The following FAM107B variants were observed in gnomAD, a reference collection of about 807,000 sequenced individuals.
FAM107B encodes protein FAM107B.
Under a neutral mutation model 31.5 loss-of-function variants are expected in FAM107B, and 21 were observed. That is an observed-to-expected ratio of 0.67 (90% confidence interval 0.47 to 0.96). The LOEUF (loss-of-function observed/expected upper bound fraction) is 0.96. Ranked by LOEUF, FAM107B falls within the 40% of genes least tolerant of loss-of-function variation. The pLI, the probability that FAM107B is intolerant of heterozygous loss-of-function variation, is 0.00. For synonymous variants in FAM107B, 157 were observed against 141.5 expected (o/e 1.11, Z -0.78); for missense variants, 452 against 377.1 (o/e 1.20, Z -1.64).
rs530833123 is a variant in FAM107B, at chr10:14,738,903, C to G, written c.411+35350G>C. 1.3e-4 allele frequency among the ~76,000 whole-genome samples: 20 copies of G among 152,336 alleles called. No individual in the cohort carries two copies. The South Asian group carries it at 2.3e-3, about 17-fold the overall frequency. ...GGCAATGAATTTATTTTGCTCACAA[C>G]TTTGTGGGTCAGGAATTTGGAAAGG... is the stretch of plus-strand genomic sequence containing the variant. On this transcript the variant is annotated intron_variant, in intron 1 of 4. Transcript: ENST00000181796.
At chr10:14,664,811 A>G (rs1403937189) in intron 2 of FAM107B, among the ~76,000 whole-genome samples, 1 of 152,238 alleles carries the variant, frequency 6.6e-6, no homozygotes, top group East Asian at 1.9e-4. Flanking sequence ...TGAATATAGT[A>G]TATGTTCATA....
intron 2 of FAM107B, among the ~76,000 whole-genome samples, chr10:14,577,379 G>T (rs957101117): frequency 1.3e-5 from 2 of 152,300 alleles, no homozygotes; most frequent in South Asian, 4.1e-4. Context: ...GCTTACCAAG[G>T]TGTTTCTCTG....
chr10:14,614,230 T>C (rs1205437660), intron 2 of FAM107B, among the ~76,000 whole-genome samples: 2 of 152,182 alleles, frequency 1.3e-5, no homozygotes, highest in African/African-American at 4.8e-5. Flanking sequence ...TGTGGGCTCT[T>C]AGAGGCTCTG....
chr10:14,616,702 C>A (rs972798827), intron 2 of FAM107B, among the ~76,000 whole-genome samples: 1 of 152,150 alleles, frequency 6.6e-6, no homozygotes, highest in Non-Finnish European at 1.5e-5. Flanking sequence ...GCAAGCAGAT[C>A]GCTTGAGCCC....
chr10:14,613,133 G>A (rs1025220082), intron 2 of FAM107B, among the ~76,000 whole-genome samples: 14 of 151,954 alleles, frequency 9.2e-5, no homozygotes, highest in African/African-American at 3.1e-4. Flanking sequence ...CGCCATGGCC[G>A]GTTAATTTTT....
chr10:14,764,414 GAACACGAAACACACACA>G (rs1178988432), intron 1 of FAM107B, among the ~76,000 whole-genome samples: 1 of 152,040 alleles, frequency 6.6e-6, no homozygotes, highest in African/African-American at 2.4e-5. Flanking sequence ...CCACTTAACT[GAACACGAAACACACACA>G]AACCAGCTTT....
chr10:14,594,507 A>C (rs963514853), intron 2 of FAM107B, among the ~76,000 whole-genome samples: 4 of 137,178 alleles, frequency 2.9e-5, no homozygotes, highest in African/African-American at 1.1e-4. Flanking sequence ...CTGCCAAAAA[A>C]AAAAAAAAAA....
At chr10:14,665,090 A>G (rs1046737207) in intron 2 of FAM107B, among the ~76,000 whole-genome samples, 1 of 152,184 alleles carries the variant, frequency 6.6e-6, no homozygotes, top group African/African-American at 2.4e-5. Flanking sequence ...AGACAACAGC[A>G]TTTTTAGGTG....
intron 2 of FAM107B, chr10:14,604,096 G>T: frequency 2.4e-6 from 1 of 415,990 alleles, no homozygotes; most frequent in Non-Finnish European, 3.2e-6. Context: ...TACGCCCGCT[G>T]CCCTCCCGCG....
intron 2 of FAM107B, among the ~76,000 whole-genome samples, chr10:14,660,430 T>C (rs974072789): frequency 6.6e-6 from 1 of 152,212 alleles, no homozygotes; most frequent in African/African-American, 2.4e-5. Flanking sequence ...GAAAGCATGG[T>C]TGGCCCATTC....
In FAM107B at chr10:14,629,423, ATATAATATATAT is replaced by A. The variant is rs1310363314; in HGVS notation, c.469+38199_469+38210del. Among the ~76,000 whole-genome samples the A allele has an allele frequency of 5.8e-3, 10 of 1,716 alleles. 2 individuals are homozygous for A. The highest frequency in any genetic ancestry group is 0.016 in the African/African-American group (10 of 636). The allele number at this position is 1,716 out of a possible 152,430, so 1.1% of individuals were successfully genotyped here. On this transcript the variant is annotated intron_variant, in intron 2 of 4. Coordinates refer to ENST00000181796, the MANE Select transcript of FAM107B (RefSeq NM_031453.4). ...ATTATATATTTAATATATATAATAT[ATATAATATATAT>A]TATATATATATTATATATATATTAT...
chr10:14,541,559 C>T (rs1333355500), intron 2 of FAM107B, among the ~76,000 whole-genome samples: 6 of 152,164 alleles, frequency 3.9e-5, no homozygotes, highest in Admixed American at 6.5e-5. Flanking sequence ...CGAGTCTTCC[C>T]GGGGCCTCTC....
intron 2 of FAM107B, among the ~76,000 whole-genome samples, chr10:14,535,629 G>C (rs1316531059): frequency 1.3e-5 from 2 of 152,210 alleles, no homozygotes; most frequent in African/African-American, 2.4e-5. Context: ...GGTGCTGCAT[G>C]AAGTTCTGAA....
chr10:14,712,082 T>G (rs1855662137), intron 1 of FAM107B, among the ~76,000 whole-genome samples: 1 of 152,188 alleles, frequency 6.6e-6, no homozygotes, highest in Non-Finnish European at 1.5e-5. Context: ...GGTTACAAAG[T>G]GAAGAAGACA....
intron 2 of FAM107B, among the ~76,000 whole-genome samples, chr10:14,644,246 T>G (rs932378862): frequency 1.3e-5 from 2 of 152,250 alleles, no homozygotes; most frequent in Non-Finnish European, 2.9e-5. Context: ...TTCCAGGCAC[T>G]CTTCTCATTT....
intron 2 of FAM107B, among the ~76,000 whole-genome samples, chr10:14,560,913 C>G (rs1166642180): frequency 6.6e-6 from 1 of 152,196 alleles, no homozygotes; most frequent in African/African-American, 2.4e-5. Context: ...GATGACTGTT[C>G]TGGGAGACAG....
intron 2 of FAM107B, among the ~76,000 whole-genome samples, chr10:14,552,458 C>T (rs895349663): frequency 1.4e-4 from 16 of 117,236 alleles, no homozygotes; most frequent in Admixed American, 9.9e-4. Context: ...ACTACCCACA[C>T]ACACCCAACA....
At chr10:14,685,061 T>C (rs1441089448) in intron 1 of FAM107B, among the ~76,000 whole-genome samples, 1 of 152,012 alleles carries the variant, frequency 6.6e-6, no homozygotes. Context: ...GGGTGGTCTC[T>C]AGCTCCTGGG....
intron 2 of FAM107B, among the ~76,000 whole-genome samples, chr10:14,549,437 T>A (rs1397008789): frequency 6.6e-6 from 1 of 152,270 alleles, no homozygotes; most frequent in East Asian, 1.9e-4. Flanking sequence ...CCTTTTGGCC[T>A]CAGCTTTTCC....
Sources: allele counts gnomAD v4.1 joint callset (sites outside exome capture counted in the v4.1 genomes callset), GRCh38; gene constraint gnomAD v4.1.1; transcripts MANE v1.5; gene names NCBI Gene and HGNC (gene_info 2026-07-23, HGNC 2026-07-21).